Variants in KCNQ3 observed in about 807,000 individuals in gnomAD.
The protein encoded by KCNQ3 is potassium voltage-gated channel subfamily Q member 3, also known as potassium voltage-gated channel subfamily KQT member 3.
In KCNQ3, 30 loss-of-function variants were observed where a neutral mutation model predicts 92.5. The observed-to-expected ratio is 0.32, with a 90% CI of 0.24 to 0.44. The LOEUF (loss-of-function observed/expected upper bound fraction) is 0.44. KCNQ3 is among the 20% of genes least tolerant of loss of function. The probability of loss-of-function intolerance (pLI) is 1.00; values close to 1 mark genes in which losing one functional copy is unlikely to be tolerated. For missense variants in KCNQ3, 913 were observed against 1,140.3 expected, an observed-to-expected ratio of 0.80 and a Z score of 2.87; for synonymous variants, 450 against 468.8, an observed-to-expected ratio of 0.96 and a Z score of 0.52.
At chr8:132,251,400 C>T (rs1049313511) in intron 1 of KCNQ3, among the ~76,000 whole-genome samples, 1 of 152,152 alleles carries the variant, frequency 6.6e-6, no homozygotes, top group African/African-American at 2.4e-5. Context: ...AGGATGACCC[C>T]GTTGAAGATG....
At chr8:132,479,234 T>C (rs747338670) in intron 1 of KCNQ3, among the ~76,000 whole-genome samples, 2 of 151,428 alleles carry the variant, frequency 1.3e-5, no homozygotes, top group East Asian at 2.0e-4. Context: ...GCAGAGGGAG[T>C]TCCTTCTTCC....
Position 132,184,223 on chromosome 8 carries a change from C to A in KCNQ3, c.604+18G>T. 2 of 1,614,114 alleles carry A rather than the reference C, an allele frequency of 1.2e-6. No homozygotes were observed. The highest frequency in any genetic ancestry group is 1.7e-6 in the Non-Finnish European group (2 of 1,180,004). On this transcript the variant is annotated intron_variant, in intron 3 of 14. Transcript: ENST00000388996. Reference sequence around the variant, plus strand: ...GAAGGGAACTGAGGAGGCTGGGAGGCTCAGGGTCAGGACTTACCCAACATG... The same window carrying A: ...GAAGGGAACTGAGGAGGCTGGGAGGATCAGGGTCAGGACTTACCCAACATG...
chr8:132,163,991 G>A (rs192923668), intron 8 of KCNQ3, among the ~76,000 whole-genome samples: 177 of 152,262 alleles, frequency 1.2e-3, no homozygotes, highest in Middle Eastern at 3.4e-3. Flanking sequence ...GGCACAGAGG[G>A]ATTAAATGAA....
At chr8:132,407,141 G>A (rs1212259135) in intron 1 of KCNQ3, among the ~76,000 whole-genome samples, 1 of 152,182 alleles carries the variant, frequency 6.6e-6, no homozygotes, top group African/African-American at 2.4e-5. Context: ...GAAAAAGAGG[G>A]AGTGGTGAGT....
intron 1 of KCNQ3, among the ~76,000 whole-genome samples, chr8:132,365,316 C>T (rs371726626): frequency 6.6e-6 from 1 of 152,206 alleles, no homozygotes; most frequent in South Asian, 2.1e-4. Context: ...GTGTGAGAGG[C>T]GTGTTAGACG....
Position 132,170,324 on chromosome 8 carries a change from C to A in KCNQ3, c.1235+10G>T, listed in dbSNP as rs772688326. The A allele has an allele frequency of 6.2e-7, 1 of 1,600,612 alleles. No homozygotes were observed. Among genetic ancestry groups the A allele is most frequent in the Admixed American group, 1.7e-5 (1 of 59,994 alleles). ...TCACGCCCTGAGCATTCAGGTGAGT[C>A]CCCACTTGCCTGAAGAAAGGAAAAG... On this transcript the variant is annotated intron_variant, in intron 8 of 14. Coordinates refer to ENST00000388996, the MANE Select transcript of KCNQ3 (RefSeq NM_004519.4).
At chr8:132,200,155 G>A (rs1444832102) in intron 1 of KCNQ3, among the ~76,000 whole-genome samples, 1 of 152,012 alleles carries the variant, frequency 6.6e-6, no homozygotes, top group Non-Finnish European at 1.5e-5. Flanking sequence ...TCTATTTCTA[G>A]ATCCATATAT....
chr8:132,279,691 C>T (rs1299854678), intron 1 of KCNQ3, among the ~76,000 whole-genome samples: 1 of 152,210 alleles, frequency 6.6e-6, no homozygotes, highest in Non-Finnish European at 1.5e-5. Context: ...TATGTATACA[C>T]ATGATTGTAT....
At chr8:132,451,608 A>G (rs938628338) in intron 1 of KCNQ3, among the ~76,000 whole-genome samples, 3 of 152,232 alleles carry the variant, frequency 2.0e-5, no homozygotes, top group Admixed American at 2.0e-4. Flanking sequence ...GAAGAAGAAG[A>G]TTTAGTCATG....
At chr8:132,377,476 A>G (rs372487331) in intron 1 of KCNQ3, among the ~76,000 whole-genome samples, 1 of 152,214 alleles carries the variant, frequency 6.6e-6, no homozygotes, top group East Asian at 1.9e-4. Flanking sequence ...AGCAGGAACA[A>G]AGGAACACGA....
At chr8:132,186,273 T>C (rs1490308610) in intron 1 of KCNQ3, 92 bp from the exon 2 acceptor site, 1 of 852,524 alleles carries the variant, frequency 1.2e-6, no homozygotes, top group Non-Finnish European at 2.0e-6. Context: ...AGGATGAAGC[T>C]GCAACTTCTG....
intron 1 of KCNQ3, among the ~76,000 whole-genome samples, chr8:132,404,004 C>G (rs957255580): frequency 6.6e-6 from 1 of 152,232 alleles, no homozygotes; most frequent in African/African-American, 2.4e-5. Context: ...CCCTGAATCT[C>G]TTCTGAGGAC....
chr8:132,294,837 G>A (rs1816968027), intron 1 of KCNQ3, among the ~76,000 whole-genome samples: 2 of 152,128 alleles, frequency 1.3e-5, no homozygotes, highest in African/African-American at 4.8e-5. Flanking sequence ...TTGGGCATTT[G>A]GCATATGCAG....
At chr8:132,350,944 A>G (rs1419545483) in intron 1 of KCNQ3, among the ~76,000 whole-genome samples, 2 of 152,096 alleles carry the variant, frequency 1.3e-5, no homozygotes, top group African/African-American at 4.8e-5. Flanking sequence ...CAGGAAGCTC[A>G]GGGGTTGGCC....
intron 3 of KCNQ3, among the ~76,000 whole-genome samples, chr8:132,182,026 C>A (rs112556257): frequency 0.025 from 3,424 of 137,600 alleles, 134 homozygotes; most frequent in African/African-American, 0.088. Flanking sequence ...GCCTGGGCGA[C>A]AAGAGCGAGA....
intron 1 of KCNQ3, among the ~76,000 whole-genome samples, chr8:132,345,874 G>A (rs763173648): frequency 3.9e-5 from 6 of 152,120 alleles, no homozygotes; most frequent in Non-Finnish European, 7.4e-5. Flanking sequence ...TGATGATGGT[G>A]AGGAGGATGG....
intron 1 of KCNQ3, among the ~76,000 whole-genome samples, chr8:132,319,160 T>C (rs889182198): frequency 3.3e-5 from 5 of 152,328 alleles, no homozygotes; most frequent in African/African-American, 1.2e-4. Context: ...CATTTCTCCA[T>C]GGATCCCAGT....
In KCNQ3 at chr8:132,129,696, T is replaced by C. The variant is rs777401183; in HGVS notation, c.2185A>G (p.Lys729Glu). Residue 729 changes from lysine to glutamate, a missense_variant, in exon 15 of 15, where the codon AAG (lysine) becomes GAG (glutamate). Lys to Glu is a moderately conservative substitution (Grantham distance 56, BLOSUM62 1). Transcript: ENST00000388996. This position sits in a 1 kb window ranked among gnomAD's most constrained non-coding sequence, Gnocchi z 5.9. The part of the protein sequence containing the change: ...NLPRGGPSSG[K>E]VQATPPSSAT... The stretch of plus-strand genomic sequence containing the variant: ...GAGGAAGGAGGAGTTGCCTGAACCT[T>C]TCCAGAACTGGGTCCCCCTCGGGGC... 5.0e-6 allele frequency: 8 copies of C among 1,614,084 alleles called. No homozygotes were observed. Among genetic ancestry groups the C allele is most frequent in the Non-Finnish European group, 5.1e-6 (6 of 1,180,020 alleles).
At chr8:132,330,337 G>A (rs965189736) in intron 1 of KCNQ3, among the ~76,000 whole-genome samples, 5 of 152,330 alleles carry the variant, frequency 3.3e-5, no homozygotes, top group South Asian at 2.1e-4. Context: ...CCAGATTAAT[G>A]GTACTTCATT....
Sources: allele counts gnomAD v4.1 joint callset (sites outside exome capture counted in the v4.1 genomes callset), GRCh38; gene constraint gnomAD v4.1.1; non-coding constraint Gnocchi (gnomAD v3.1); transcripts MANE v1.5; gene names NCBI Gene and HGNC (gene_info 2026-07-23, HGNC 2026-07-21).